GADL1: variants seen among roughly 807,000 people sequenced by gnomAD.
GADL1 encodes acidic amino acid decarboxylase GADL1.
In GADL1, 71 loss-of-function variants were observed where a neutral mutation model predicts 69.5. The ratio of observed to expected loss-of-function variants is 1.02; its 90% CI spans 0.84 to 1.25. GADL1 has a LOEUF of 1.25. GADL1 is among the 50% of genes most tolerant of loss of function. GADL1 has a pLI of 0.00. For missense variants in GADL1, 737 were observed against 631.8 expected (o/e 1.17, Z -1.79); for synonymous variants, 254 against 214.4 (o/e 1.18, Z -1.62).
At chr3:30,811,007 C>A (rs547387019) in intron 11 of GADL1, among the ~76,000 whole-genome samples, 1 of 152,274 alleles carries the variant, frequency 6.6e-6, no homozygotes, top group African/African-American at 2.4e-5. Flanking sequence ...CCACTGACTT[C>A]TGAAATATTC....
chr3:30,793,520 C>T (rs942654933), intron 12 of GADL1, among the ~76,000 whole-genome samples: 27 of 152,120 alleles, frequency 1.8e-4, no homozygotes, highest in African/African-American at 4.8e-4. Flanking sequence ...CTTCATGAAA[C>T]TCTTTGTCCT....
chr3:30,856,674 A>G (rs1187532953), intron 3 of GADL1, among the ~76,000 whole-genome samples: 2 of 152,100 alleles, frequency 1.3e-5, no homozygotes, highest in African/African-American at 2.4e-5. Context: ...ACAAATTTAT[A>G]TAATCAAAAT....
At chr3:30,756,409 A>C (rs1390802085) in intron 14 of GADL1, among the ~76,000 whole-genome samples, 2 of 152,136 alleles carry the variant, frequency 1.3e-5, no homozygotes, top group African/African-American at 4.8e-5. Context: ...AAAGTTATAA[A>C]GGCATCTTTG....
chr3:30,741,213 T>TGTGTGTGA (rs1695621863), intron 14 of GADL1, among the ~76,000 whole-genome samples: 1 of 147,366 alleles, frequency 6.8e-6, no homozygotes, highest in African/African-American at 2.5e-5. Context: ...TGTGTGTGTG[T>TGTGTGTGA]GTGTGTATTC....
At chr3:30,785,382 C>T (rs931730972) in intron 13 of GADL1, among the ~76,000 whole-genome samples, 3 of 124,454 alleles carry the variant, frequency 2.4e-5, no homozygotes, top group Non-Finnish European at 1.5e-5. Flanking sequence ...ATTTCTTTTT[C>T]TTTTTTTTTT....
intron 5 of GADL1, 35 bp from the exon 6 acceptor site, chr3:30,850,146 C>T (rs752213987): frequency 3.5e-5 from 42 of 1,185,370 alleles, no homozygotes; most frequent in Middle Eastern, 3.8e-4. Flanking sequence ...ATATTTATAG[C>T]ATGAAGTTAT....
intron 11 of GADL1, among the ~76,000 whole-genome samples, chr3:30,808,246 A>C (rs1340248214): frequency 1.3e-5 from 2 of 152,102 alleles, no homozygotes; most frequent in Admixed American, 6.5e-5. Context: ...CTGTAATCCC[A>C]GCACTTTGGG....
At chr3:30,779,790 C>T (rs1696618355) in intron 13 of GADL1, among the ~76,000 whole-genome samples, 1 of 152,232 alleles carries the variant, frequency 6.6e-6, no homozygotes, top group East Asian at 1.9e-4. Flanking sequence ...AGAAATCTAC[C>T]CTTTTTGAGT....
intron 14 of GADL1, among the ~76,000 whole-genome samples, chr3:30,758,821 G>A (rs1419930487): frequency 6.6e-6 from 1 of 152,206 alleles, no homozygotes; most frequent in Non-Finnish European, 1.5e-5. Context: ...CCATTAGGCA[G>A]CACTTTGTAA....
chr3:30,803,653 T>C (rs1697201185), intron 11 of GADL1, among the ~76,000 whole-genome samples: 1 of 152,364 alleles, frequency 6.6e-6, no homozygotes, highest in East Asian at 1.9e-4. Context: ...GTTAATTTTA[T>C]GGCACTAAAA....
At chr3:30,760,795 T>G (rs1194831008) in intron 14 of GADL1, among the ~76,000 whole-genome samples, 1 of 152,080 alleles carries the variant, frequency 6.6e-6, no homozygotes, top group African/African-American at 2.4e-5. Flanking sequence ...CTCCACATGT[T>G]TTTCTTCAGG....
chr3:30,837,473 G>A (rs1559356939), intron 9 of GADL1, among the ~76,000 whole-genome samples: 1 of 152,050 alleles, frequency 6.6e-6, no homozygotes. Context: ...TTATAAAGAT[G>A]TTTTCTTCAA....
chr3:30,860,018 A>G (rs56658293), intron 2 of GADL1, among the ~76,000 whole-genome samples: 5,246 of 151,776 alleles, frequency 0.035, 306 homozygotes, highest in African/African-American at 0.12. Flanking sequence ...TGTTAAGTAC[A>G]TCTTGTCCTT....
chr3:30,805,320 T>C (rs1459688326), intron 11 of GADL1, among the ~76,000 whole-genome samples: 1 of 152,188 alleles, frequency 6.6e-6, no homozygotes, highest in Non-Finnish European at 1.5e-5. Flanking sequence ...TATTATACTT[T>C]ATTGCATCAA....
intron 14 of GADL1, among the ~76,000 whole-genome samples, chr3:30,749,099 T>C (rs1278538855): frequency 1.8e-4 from 27 of 152,250 alleles, no homozygotes; most frequent in Admixed American, 1.7e-3. Flanking sequence ...CTCACTGCAC[T>C]GTTCCTGATT....
intron 11 of GADL1, among the ~76,000 whole-genome samples, chr3:30,816,123 A>AT (rs1239977625): frequency 6.6e-6 from 1 of 152,130 alleles, no homozygotes; most frequent in Admixed American, 6.6e-5. Context: ...GGGAGCCTCT[A>AT]TTTCAGTATA....
chr3:30,840,108 T>C (rs889368886), intron 8 of GADL1, among the ~76,000 whole-genome samples: 2 of 152,132 alleles, frequency 1.3e-5, no homozygotes, highest in African/African-American at 4.8e-5. Context: ...GTTTAGTGCC[T>C]CTAAAAGTTA....
chr3:30,854,750 T>C lies in GADL1; in HGVS notation c.377A>G (p.Asp126Gly), dbSNP rs915045716. 6 of 1,549,642 alleles carry C rather than the reference T, an allele frequency of 3.9e-6. 1 individual carries two copies. In the African/African-American group the frequency reaches 8.2e-5, roughly 21 times the overall value. ...AAATCGGGCCACCAAGGAGTAATAA[T>C]CAAGTCCAGCATACAATTGGTTGAA... is the stretch of plus-strand genomic sequence containing the variant. ...RFFNQLYAGL[D>G]YYSLVARFMT... Residue 126 changes from aspartate (D) to glycine (G), a missense_variant, in exon 4 of 15, where the codon GAT (aspartate) becomes GGT (glycine). Transcript: ENST00000282538.
intron 14 of GADL1, among the ~76,000 whole-genome samples, chr3:30,752,723 C>T (rs760534121): frequency 3.9e-5 from 6 of 152,154 alleles, no homozygotes; most frequent in African/African-American, 4.8e-5. Context: ...TCCCCCAGCT[C>T]TTAGTTCCTT....
Sources: allele counts gnomAD v4.1 joint callset (sites outside exome capture counted in the v4.1 genomes callset), GRCh38; gene constraint gnomAD v4.1.1; transcripts MANE v1.5; gene names NCBI Gene and HGNC (gene_info 2026-07-23, HGNC 2026-07-21).